The following FRMD4B variants were observed in gnomAD, a reference collection of about 807,000 sequenced individuals.
FRMD4B encodes FERM domain containing 4B.
In FRMD4B, 74 loss-of-function variants were observed where a neutral mutation model predicts 141.5. That is an observed-to-expected ratio of 0.52 (90% CI 0.43 to 0.63). FRMD4B has a LOEUF of 0.63. FRMD4B is among the 30% of genes least tolerant of loss of function. The probability of loss-of-function intolerance (pLI) is 0.00; values close to 1 mark genes in which losing one functional copy is unlikely to be tolerated. For missense variants in FRMD4B, 1,366 were observed against 1,253.4 expected, an observed-to-expected ratio of 1.09 and a Z score of -1.36; for synonymous variants, 506 against 467.9, an observed-to-expected ratio of 1.08 and a Z score of -1.05.
chr3:69,171,132 T>C lies in FRMD4B; in HGVS notation c.*729A>G, dbSNP rs1191802250. On this transcript the variant is annotated 3_prime_UTR_variant, in exon 23 of 23. Coordinates refer to ENST00000398540, the MANE Select transcript of FRMD4B (RefSeq NM_015123.3). ...CTCCATGATATTGTACCTTAGAATG[T>C]TCTCCAAGCAGACTTTGTCAATTAT... 6.6e-6 allele frequency: 1 copy of C among 152,218 alleles called. No individual in the cohort carries two copies. Among genetic ancestry groups the C allele is most frequent in the Non-Finnish European group, 1.5e-5 (1 of 68,040 alleles). 9.4% of individuals were successfully genotyped at this position (152,218 alleles called of 1,614,324 possible). A position where few individuals can be genotyped will look rare whatever the true frequency, so the allele number is the denominator to read the frequency against.
intron 1 of FRMD4B, among the ~76,000 whole-genome samples, chr3:69,469,020 G>C (rs1705840373): frequency 6.6e-6 from 1 of 152,122 alleles, no homozygotes; most frequent in Non-Finnish European, 1.5e-5. Context: ...ACTTCAACCA[G>C]AGATAAATTG....
At chr3:69,265,975 T>A (rs1021540797) in intron 5 of FRMD4B, among the ~76,000 whole-genome samples, 1 of 151,922 alleles carries the variant, frequency 6.6e-6, no homozygotes, top group African/African-American at 2.4e-5. Flanking sequence ...GGCAGGAGGA[T>A]TGCTTGAGCA....
chr3:69,448,380 C>A (rs1705442732), intron 1 of FRMD4B, among the ~76,000 whole-genome samples: 1 of 152,174 alleles, frequency 6.6e-6, no homozygotes, highest in Non-Finnish European at 1.5e-5. Flanking sequence ...TCAGTAAATA[C>A]TCTGGAGTGG....
chr3:69,279,741 CCCT>C (rs2093635645), intron 5 of FRMD4B, among the ~76,000 whole-genome samples: 1 of 96,632 alleles, frequency 1.0e-5, no homozygotes, highest in African/African-American at 4.5e-5. Flanking sequence ...TCTCCTCTTC[CCCT>C]CCTCCTCCCC....
At chr3:69,248,822 C>T (rs1488418259) in intron 7 of FRMD4B, among the ~76,000 whole-genome samples, 1 of 152,266 alleles carries the variant, frequency 6.6e-6, no homozygotes, top group Non-Finnish European at 1.5e-5. Flanking sequence ...AAGAAAGCCC[C>T]TATTAATCCC....
At chr3:69,393,122 C>T (rs181227793) in intron 2 of FRMD4B, among the ~76,000 whole-genome samples, 101 of 152,178 alleles carry the variant, frequency 6.6e-4, no homozygotes, top group South Asian at 2.1e-4. Flanking sequence ...GGCTAAAAAT[C>T]GTAGTAGCTA....
chr3:69,182,536 C>A, intron 20 of FRMD4B, 62 bp downstream of exon 20: 5 of 1,498,240 alleles, frequency 3.3e-6, no homozygotes, highest in East Asian at 2.4e-5. Flanking sequence ...CACAATAAAG[C>A]AAGACAGAAC....
chr3:69,329,142 G>A (rs1184131290), intron 1 of FRMD4B, among the ~76,000 whole-genome samples: 1 of 152,128 alleles, frequency 6.6e-6, no homozygotes, highest in African/African-American at 2.4e-5. Context: ...GGATGTGGAG[G>A]CCGTTGAGAG....
rs78755279 is a variant in FRMD4B at position 69,198,701 on chromosome 3, C to A, written c.950G>T (p.Arg317Leu). The stretch of plus-strand genomic sequence containing the variant: ...GAGAAACGTCTTTGATCCTCACCTT[C>A]GTGGATCATGAACTTCAACAGCAAA... ...KKFAVEVHDPRRISVSRRTFG... is the reference protein window; with the variant it reads ...KKFAVEVHDPLRISVSRRTFG... The change falls in exon 12 of 23, where the codon CGA becomes CTA. Residue 317 changes from arginine to leucine, a missense_variant. By Grantham distance (102) the Arg-to-Leu change is moderately radical. Coordinates refer to ENST00000398540, the MANE Select transcript of FRMD4B (RefSeq NM_015123.3). 1 of 1,509,428 alleles carries A rather than the reference C, an allele frequency of 6.6e-7. No individual in the cohort carries two copies. The highest frequency in any genetic ancestry group is 1.4e-5 in the African/African-American group (1 of 73,120). 93.5% of individuals were successfully genotyped at this position (1,509,428 alleles called of 1,614,324 possible). A position where few individuals can be genotyped will look rare whatever the true frequency, so the allele number is the denominator to read the frequency against.
At chr3:69,200,133 C>G (rs1225466694) in intron 11 of FRMD4B, among the ~76,000 whole-genome samples, 7 of 152,172 alleles carry the variant, frequency 4.6e-5, no homozygotes, top group Admixed American at 4.6e-4. Flanking sequence ...TACGGGAACC[C>G]AGGCTTTTCA....
intron 2 of FRMD4B, among the ~76,000 whole-genome samples, chr3:69,422,949 G>A: frequency 6.6e-6 from 1 of 152,134 alleles, no homozygotes; most frequent in East Asian, 1.9e-4. Context: ...GCTGAGCTCT[G>A]ACTTATATAT....
chr3:69,447,438 G>C (rs1402375799), intron 1 of FRMD4B, among the ~76,000 whole-genome samples: 1 of 152,286 alleles, frequency 6.6e-6, no homozygotes, highest in East Asian at 1.9e-4. Flanking sequence ...CAACTTTTTT[G>C]AGGTATAACA....
chr3:69,447,602 A>C (rs1575805339), intron 1 of FRMD4B, among the ~76,000 whole-genome samples: 1 of 152,228 alleles, frequency 6.6e-6, no homozygotes, highest in South Asian at 2.1e-4. Flanking sequence ...TGTTACAAGT[A>C]TATAATGTGT....
intron 1 of FRMD4B, among the ~76,000 whole-genome samples, chr3:69,435,550 T>A (rs1705247117): frequency 6.6e-6 from 1 of 152,176 alleles, no homozygotes; most frequent in Non-Finnish European, 1.5e-5. Flanking sequence ...GAGCTACAAC[T>A]GCAGAGTTGA....
chr3:69,411,896 G>A (rs1320208123), intron 2 of FRMD4B, among the ~76,000 whole-genome samples: 2 of 152,126 alleles, frequency 1.3e-5, no homozygotes, highest in African/African-American at 2.4e-5. Flanking sequence ...AAGTTTTATT[G>A]TTCTGAAGCC....
intron 1 of FRMD4B, among the ~76,000 whole-genome samples, chr3:69,356,570 T>C (rs1703329079): frequency 6.6e-6 from 1 of 150,490 alleles, no homozygotes; most frequent in Non-Finnish European, 1.5e-5. Flanking sequence ...CTCCCCTTTA[T>C]ATATAGATAT....
In FRMD4B at chr3:69,193,686, C is replaced by T; in HGVS notation, c.1676G>A (p.Cys559Tyr). The change falls in exon 17 of 23, where the codon TGT becomes TAT. Residue 559 changes from cysteine (C) to tyrosine (Y), a missense_variant. By Grantham distance (194) the Cys-to-Tyr change is radical. Coordinates refer to ENST00000398540, the MANE Select transcript of FRMD4B (RefSeq NM_015123.3). The part of the protein sequence containing the change: ...ENAINEYRIR[C>Y]GKKPSQKATV... The stretch of plus-strand genomic sequence containing the variant: ...TGCTTTCTGGCTGGGTTTCTTTCCA[C>T]ACCTAATTCGGTATTCGTTTATTGC... The T allele has an allele frequency of 6.2e-7, 1 of 1,613,314 alleles. No individual in the cohort carries two copies. The highest frequency in any genetic ancestry group is 8.5e-7 in the Non-Finnish European group (1 of 1,179,460).
intron 3 of FRMD4B, among the ~76,000 whole-genome samples, chr3:69,305,558 G>T (rs546689490): frequency 9.9e-5 from 15 of 152,254 alleles, no homozygotes; most frequent in African/African-American, 3.6e-4. Context: ...GATAGTATCA[G>T]ATCTCAAAAG....
chr3:69,368,143 A>C lies in FRMD4B; in HGVS notation c.162+17685T>G, dbSNP rs1295779070. 5.3e-5 allele frequency among the ~76,000 whole-genome samples: 8 copies of C among 152,326 alleles called. No individual in the cohort carries two copies. The East Asian group carries it at 1.5e-3, about 29-fold the overall frequency. On this transcript the variant is annotated intron_variant, in intron 1 of 22. Coordinates refer to ENST00000398540, the MANE Select transcript of FRMD4B (RefSeq NM_015123.3). The stretch of plus-strand genomic sequence containing the variant: ...GTTCTAGGCATCTGTTTAAGCAGTC[A>C]CATGGCACTCTCCCATTTAAACCCG...
Sources: gnomAD v4.1 joint callset for allele counts (sites outside exome capture counted in the v4.1 genomes callset) on GRCh38, gnomAD v4.1.1 for gene constraint, MANE v1.5 for transcripts, NCBI Gene and HGNC (gene_info 2026-07-23, HGNC 2026-07-21) for gene names.